CYP7B1: variants seen among roughly 807,000 people sequenced by gnomAD.
CYP7B1 encodes the protein cytochrome P450 7B1.
A neutral mutation model predicts 42.7 loss-of-function variants in CYP7B1; 29 were observed. The observed-to-expected ratio is 0.68, with a 90% CI of 0.51 to 0.93. CYP7B1 has a LOEUF of 0.93. Among genes scored for constraint, CYP7B1 ranks in the 40% least tolerant of loss-of-function variants. The pLI, the probability that CYP7B1 is intolerant of heterozygous loss-of-function variation, is 0.00. For synonymous variants in CYP7B1, 235 were observed against 218.2 expected, an observed-to-expected ratio of 1.08 and a Z score of -0.68; for missense variants, 655 against 600.5, an observed-to-expected ratio of 1.09 and a Z score of -0.95.
downstream of CYP7B1, among the ~76,000 whole-genome samples, chr8:64,589,285 T>G (rs966525041): frequency 6.6e-6 from 1 of 152,220 alleles, no homozygotes; most frequent in African/African-American, 2.4e-5. Context: ...TTAATTTAAT[T>G]TTCTGCAAGC....
intron 1 of CYP7B1, among the ~76,000 whole-genome samples, chr8:64,723,265 T>C (rs1318201379): frequency 6.6e-6 from 1 of 152,198 alleles, no homozygotes; most frequent in Non-Finnish European, 1.5e-5. Context: ...GGAGGAACCA[T>C]ACACAAGATA....
intron 4 of CYP7B1, among the ~76,000 whole-genome samples, chr8:64,610,432 CACT>C (rs1254962470): frequency 6.6e-6 from 1 of 152,134 alleles, no homozygotes; most frequent in Non-Finnish European, 1.5e-5. Flanking sequence ...TGCAAAACTT[CACT>C]ACTGTCTGAA....
At chr8:64,675,949 A>G (rs943708652) in intron 1 of CYP7B1, among the ~76,000 whole-genome samples, 1 of 152,038 alleles carries the variant, frequency 6.6e-6, no homozygotes, top group African/African-American at 2.4e-5. Context: ...GATCAAAATC[A>G]CTCAGCACAA....
intron 1 of CYP7B1, among the ~76,000 whole-genome samples, chr8:64,705,431 C>A (rs966433207): frequency 1.1e-4 from 17 of 151,334 alleles, no homozygotes; most frequent in Middle Eastern, 3.4e-3. Flanking sequence ...ATGACTGAAT[C>A]AATGAGTGAA....
chr8:64,636,315 T>C (rs1001759986), intron 1 of CYP7B1, among the ~76,000 whole-genome samples: 1 of 152,170 alleles, frequency 6.6e-6, no homozygotes, highest in African/African-American at 2.4e-5. Context: ...TTTAATTATA[T>C]TTGCCTCCGG....
rs543963234 is a variant in CYP7B1, at chr8:64,744,144, C to A, written c.122+54322G>T. On this transcript the variant is annotated intron_variant, in intron 1 of 5. Transcript: ENST00000310193. The stretch of plus-strand genomic sequence containing the variant: ...TAGAAATTATGATTGGATTTATTCT[C>A]CTAAAAGGAGAGGGAAAATATAGTC... Among the ~76,000 whole-genome samples the A allele has an allele frequency of 2.0e-5, 3 of 152,002 alleles. No individual in the cohort carries two copies. In the South Asian group the frequency reaches 6.2e-4, roughly 32 times the overall value.
intron 1 of CYP7B1, among the ~76,000 whole-genome samples, chr8:64,683,195 C>T (rs1806565841): frequency 6.6e-6 from 1 of 152,146 alleles, no homozygotes; most frequent in Admixed American, 6.6e-5. Context: ...AACCTGAGTG[C>T]CCATCAATAG....
intron 1 of CYP7B1, among the ~76,000 whole-genome samples, chr8:64,733,315 G>C (rs915437524): frequency 2.0e-5 from 3 of 152,184 alleles, no homozygotes; most frequent in Non-Finnish European, 4.4e-5. Flanking sequence ...AAGAGAGCTT[G>C]GAATTCCTCA....
chr8:64,642,309 T>G (rs1413497805), intron 1 of CYP7B1, among the ~76,000 whole-genome samples: 1 of 152,074 alleles, frequency 6.6e-6, no homozygotes, highest in Non-Finnish European at 1.5e-5. Context: ...GTCCTAGTAA[T>G]GTGTCACAAT....
At chr8:64,663,831 C>T (rs144818824) in intron 1 of CYP7B1, among the ~76,000 whole-genome samples, 5 of 152,334 alleles carry the variant, frequency 3.3e-5, no homozygotes, top group Non-Finnish European at 5.9e-5. Flanking sequence ...CAACACCACG[C>T]GTCTCTCTTG....
chr8:64,716,345 A>G (rs1807154152), intron 1 of CYP7B1, among the ~76,000 whole-genome samples: 1 of 152,178 alleles, frequency 6.6e-6, no homozygotes, highest in Non-Finnish European at 1.5e-5. Flanking sequence ...TTTTTATCCA[A>G]GAAGTTATCA....
chr8:64,637,949 A>G (rs977412667), intron 1 of CYP7B1, among the ~76,000 whole-genome samples: 3 of 152,034 alleles, frequency 2.0e-5, no homozygotes, highest in African/African-American at 7.2e-5. Flanking sequence ...CCACTTACTG[A>G]CAGATTTTCC....
At chr8:64,727,266 CCTT>C (rs1462269131) in intron 1 of CYP7B1, among the ~76,000 whole-genome samples, 1 of 152,152 alleles carries the variant, frequency 6.6e-6, no homozygotes, top group Non-Finnish European at 1.5e-5. Flanking sequence ...AAATTTTTAT[CCTT>C]CTTATTTCTT....
intron 1 of CYP7B1, among the ~76,000 whole-genome samples, chr8:64,679,195 T>C (rs1806498301): frequency 6.6e-6 from 1 of 152,180 alleles, no homozygotes; most frequent in Non-Finnish European, 1.5e-5. Context: ...CATTCATTCA[T>C]TCATTCATTC....
At chr8:64,738,664 C>T (rs4549812) in intron 1 of CYP7B1, among the ~76,000 whole-genome samples, 146,930 of 152,282 alleles carry the variant, frequency 0.96, 70,985 homozygotes, top group African/African-American at 0.99. Context: ...TCATCACTTA[C>T]GTCTGTACAA....
intron 1 of CYP7B1, among the ~76,000 whole-genome samples, chr8:64,679,059 G>T (rs1424860611): frequency 6.6e-6 from 1 of 152,040 alleles, no homozygotes; most frequent in Non-Finnish European, 1.5e-5. Context: ...GGGCAGGAAA[G>T]GTAGAGTTGG....
intron 2 of CYP7B1, among the ~76,000 whole-genome samples, chr8:64,618,273 C>G (rs1329651311): frequency 6.6e-6 from 1 of 151,814 alleles, no homozygotes; most frequent in Non-Finnish European, 1.5e-5. Context: ...GTGATTCATA[C>G]TTTTCTCCTT....
intron 1 of CYP7B1, among the ~76,000 whole-genome samples, chr8:64,772,503 C>T (rs1804252358): frequency 6.6e-6 from 1 of 152,210 alleles, no homozygotes; most frequent in African/African-American, 2.4e-5. Flanking sequence ...TAACTCTTCT[C>T]TGAGTCTCCA....
intron 1 of CYP7B1, among the ~76,000 whole-genome samples, chr8:64,789,970 T>G (rs1804591724): frequency 1.3e-5 from 2 of 152,312 alleles, no homozygotes; most frequent in East Asian, 3.9e-4. Context: ...AGAGAATCCT[T>G]CCTTCAACAT....
Sources: allele counts gnomAD v4.1 joint callset (sites outside exome capture counted in the v4.1 genomes callset), GRCh38; gene constraint gnomAD v4.1.1; transcripts MANE v1.5; gene names NCBI Gene and HGNC (gene_info 2026-07-23, HGNC 2026-07-21).